The following GMPR variants were observed in gnomAD, a reference collection of about 807,000 sequenced individuals.
GMPR encodes guanosine monophosphate reductase.
GMPR carries 31 observed loss-of-function variants against 38.4 expected under a neutral mutation model. The observed-to-expected ratio is 0.81, with a 90% CI of 0.61 to 1.09. The LOEUF (loss-of-function observed/expected upper bound fraction) is 1.09. Ranked by LOEUF, GMPR falls within the 50% of genes least tolerant of loss-of-function variation. The pLI is 0.00. For missense variants in GMPR, 468 were observed against 453.7 expected (o/e 1.03, Z -0.29); for synonymous variants, 162 against 173.3 (o/e 0.93, Z 0.51).
chr6:16,250,411 G>T (rs757504978), intron 3 of GMPR, 44 bp downstream of exon 3: 76 of 1,083,606 alleles, frequency 7.0e-5, no homozygotes, highest in Admixed American at 3.2e-4. Context: ...CTGCAGGGGG[G>T]AACAAAATCT....
intron 7 of GMPR, among the ~76,000 whole-genome samples, chr6:16,289,127 C>T (rs899632120): frequency 5.3e-5 from 8 of 152,222 alleles, no homozygotes; most frequent in South Asian, 2.1e-4. Context: ...TTTAGGCCCA[C>T]ACTGCTTTTA....
chr6:16,259,288 C>A (rs763605453), intron 4 of GMPR: 4 of 151,908 alleles, frequency 2.6e-5, no homozygotes, highest in Non-Finnish European at 5.9e-5. Flanking sequence ...AAGGCAATGT[C>A]ATCAGTTAAG....
intron 4 of GMPR, among the ~76,000 whole-genome samples, chr6:16,263,545 CCAGAAAAG>C (rs1436933371): frequency 6.6e-6 from 1 of 151,574 alleles, no homozygotes; most frequent in Non-Finnish European, 1.5e-5. Context: ...TTCTTACCTT[CCAGAAAAG>C]CGGGAAAGGG....
At chr6:16,268,089 G>A (rs1398818610) in intron 4 of GMPR, among the ~76,000 whole-genome samples, 1 of 152,206 alleles carries the variant, frequency 6.6e-6, no homozygotes, top group African/African-American at 2.4e-5. Context: ...GAGGTACAAG[G>A]GGTGTGTATG....
rs752136074 is a variant in GMPR at position 16,246,934 on chromosome 6, G to A, written c.180G>A (p.Thr60=). ...TGGCCAACATGGACACTGTGGGCAC[G>A]TTTGAGATGGCAGCCGTGATGTCAC... ...IIVANMDTVG[T]FEMAAVMSQH... The change falls in exon 2 of 9, where the codon ACG becomes ACA. Residue 60 remains threonine (T), a synonymous_variant. Transcript: ENST00000259727. 2.7e-5 allele frequency: 44 copies of A among 1,613,812 alleles called. No individual in the cohort carries two copies. Among genetic ancestry groups the A allele is most frequent in the Middle Eastern group, 3.3e-4 (2 of 6,080 alleles).
At chr6:16,247,142 A>AG (rs1758773757) in intron 2 of GMPR, among the ~76,000 whole-genome samples, 181 bp downstream of exon 2, 2 of 152,172 alleles carry the variant, frequency 1.3e-5, no homozygotes, top group Admixed American at 6.5e-5. Flanking sequence ...TTCAATGAGA[A>AG]GGTCTAGATC....
intron 4 of GMPR, among the ~76,000 whole-genome samples, chr6:16,268,400 C>T (rs570478383): frequency 7.2e-5 from 11 of 152,228 alleles, no homozygotes; most frequent in South Asian, 6.2e-4. Flanking sequence ...CTGCAGTCTC[C>T]GCCTCCCAGG....
At chr6:16,239,127 G>A (rs771129073) in intron 1 of GMPR, among the ~76,000 whole-genome samples, 1 of 152,204 alleles carries the variant, frequency 6.6e-6, no homozygotes, top group Non-Finnish European at 1.5e-5. Flanking sequence ...TGGAGCTAGG[G>A]GAGAGAGGAC....
chr6:16,292,832 C>T (rs570592762), intron 8 of GMPR, among the ~76,000 whole-genome samples: 4 of 152,190 alleles, frequency 2.6e-5, no homozygotes, highest in South Asian at 2.1e-4. Context: ...AAAGAAAAAA[C>T]GTCTTCTGTA....
chr6:16,268,755 C>T (rs976735982), intron 4 of GMPR, among the ~76,000 whole-genome samples: 1 of 152,050 alleles, frequency 6.6e-6, no homozygotes, highest in Non-Finnish European at 1.5e-5. Flanking sequence ...TACAGAATTT[C>T]AGTTTGAGAT....
intron 4 of GMPR, among the ~76,000 whole-genome samples, chr6:16,260,340 G>A (rs1336057067): frequency 3.3e-5 from 5 of 152,032 alleles, no homozygotes; most frequent in African/African-American, 1.2e-4. Context: ...CTGTATAGAG[G>A]TGGGAAGGCT....
intron 5 of GMPR, among the ~76,000 whole-genome samples, 167 bp downstream of exon 5, chr6:16,274,663 T>G (rs1004177323): frequency 6.6e-6 from 1 of 152,200 alleles, no homozygotes; most frequent in Non-Finnish European, 1.5e-5. Flanking sequence ...AAGCCCCTGA[T>G]GAAAAGTATT....
chr6:16,269,104 G>A (rs1581658531), intron 4 of GMPR, among the ~76,000 whole-genome samples: 1 of 151,732 alleles, frequency 6.6e-6, no homozygotes, highest in Non-Finnish European at 1.5e-5. Context: ...AAAAAGAATG[G>A]GTAAAGGAGC....
intron 6 of GMPR, among the ~76,000 whole-genome samples, chr6:16,280,635 T>C (rs1429703712): frequency 6.6e-6 from 1 of 152,190 alleles, no homozygotes; most frequent in Non-Finnish European, 1.5e-5. Flanking sequence ...AGTATGTCAG[T>C]GGTTCTCAAA....
At chr6:16,289,123 C>A (rs886747606) in intron 7 of GMPR, among the ~76,000 whole-genome samples, 1 of 152,190 alleles carries the variant, frequency 6.6e-6, no homozygotes, top group Non-Finnish European at 1.5e-5. Flanking sequence ...GGTCTTTAGG[C>A]CCACACTGCT....
At chr6:16,276,924 T>C (rs1372263907) in intron 5 of GMPR, among the ~76,000 whole-genome samples, 3 of 152,210 alleles carry the variant, frequency 2.0e-5, no homozygotes, top group African/African-American at 7.2e-5. Flanking sequence ...CTGTGTGTTA[T>C]TTGAAGCTTC....
At chr6:16,252,013 A>G (rs1758885150) in intron 3 of GMPR, among the ~76,000 whole-genome samples, 1 of 152,182 alleles carries the variant, frequency 6.6e-6, no homozygotes, top group African/African-American at 2.4e-5. Context: ...TTCAGGTCGT[A>G]CTGTTTTCAA....
At chr6:16,263,098 G>A (rs1267759376) in intron 4 of GMPR, 1 of 151,890 alleles carries the variant, frequency 6.6e-6, no homozygotes, top group Admixed American at 6.6e-5. Flanking sequence ...AGGAAGATTA[G>A]AAAGACTCAG....
At chr6:16,280,051 A>G (rs1005065326) in intron 6 of GMPR, among the ~76,000 whole-genome samples, 2 of 152,188 alleles carry the variant, frequency 1.3e-5, no homozygotes, top group South Asian at 4.1e-4. Context: ...GGCACTGGAG[A>G]AGGAGAAGGA....
Sources: allele counts gnomAD v4.1 joint callset (sites outside exome capture counted in the v4.1 genomes callset), GRCh38; gene constraint gnomAD v4.1.1; transcripts MANE v1.5; gene names NCBI Gene and HGNC (gene_info 2026-07-23, HGNC 2026-07-21).